The following CLSTN1 variants were observed in gnomAD, a reference collection of about 807,000 sequenced individuals.
CLSTN1 encodes the protein calsyntenin-1.
CLSTN1 carries 28 observed loss-of-function variants against 108.3 expected under a neutral mutation model. The observed-to-expected ratio is 0.26, with a 90% CI of 0.19 to 0.35. The LOEUF is 0.35. Ranked by LOEUF, CLSTN1 falls within the 10% of genes least tolerant of loss-of-function variation. The pLI is 1.00. For missense variants in CLSTN1, 1,157 were observed against 1,302.6 expected (o/e 0.89, Z 1.72); for synonymous variants, 524 against 534.9 (o/e 0.98, Z 0.28).
intron 8 of CLSTN1, 125 bp from the exon 9 acceptor site, chr1:9,744,130 A>C: frequency 1.5e-6 from 2 of 1,346,562 alleles, no homozygotes; most frequent in Admixed American, 4.4e-5. Flanking sequence ...GGCTAAGCCA[A>C]GGCAGGGCTT....
At chr1:9,749,066 G>A (rs1023888301) in intron 7 of CLSTN1, among the ~76,000 whole-genome samples, 4 of 151,474 alleles carry the variant, frequency 2.6e-5, no homozygotes, top group Admixed American at 6.6e-5. Flanking sequence ...ACCATCCCCA[G>A]TTAATTTTTC....
At chr1:9,772,176 G>A (rs1250531935) in intron 2 of CLSTN1, among the ~76,000 whole-genome samples, 9 of 147,590 alleles carry the variant, frequency 6.1e-5, no homozygotes, top group East Asian at 2.0e-4. Context: ...TAGTAGAGAC[G>A]GGGTTTCACC....
At chr1:9,760,231 A>T (rs968761321) in intron 2 of CLSTN1, among the ~76,000 whole-genome samples, 8 of 152,202 alleles carry the variant, frequency 5.3e-5, no homozygotes, top group African/African-American at 1.9e-4. Flanking sequence ...ACCAGTACTT[A>T]TTCAATTGCT....
rs1650177962 is a variant in CLSTN1 at position 9,729,191 on chromosome 1, T to C, written c.*1317A>G. On this transcript the variant is annotated 3_prime_UTR_variant, in exon 19 of 19. Transcript: ENST00000377298. Reference sequence around the variant, plus strand: ...AGCTACAGGGACGGGACATGGAGGATGGCCACACATAGCACAGCCACCAGT... The same window carrying C: ...AGCTACAGGGACGGGACATGGAGGACGGCCACACATAGCACAGCCACCAGT... The C allele has an allele frequency of 6.6e-6, 1 of 152,274 alleles. No homozygotes were observed. Among genetic ancestry groups the C allele is most frequent in the Non-Finnish European group, 1.5e-5 (1 of 68,060 alleles). 9.4% of individuals were successfully genotyped at this position (152,274 alleles called of 1,614,324 possible). A position where few individuals can be genotyped will look rare whatever the true frequency, so the allele number is the denominator to read the frequency against.
At chr1:9,770,008 C>A (rs965717980) in intron 2 of CLSTN1, among the ~76,000 whole-genome samples, 23 of 135,290 alleles carry the variant, frequency 1.7e-4, no homozygotes, top group Non-Finnish European at 2.6e-4. Flanking sequence ...CCAGCCTGGG[C>A]GACAGAGTGA....
chr1:9,801,620 T>A (rs1654273417), intron 1 of CLSTN1, among the ~76,000 whole-genome samples: 1 of 152,182 alleles, frequency 6.6e-6, no homozygotes, highest in African/African-American at 2.4e-5. Context: ...AGTGGCACGA[T>A]CTCGGCTCAC....
At chr1:9,804,343 CAGAG>C (rs1003516891) in intron 1 of CLSTN1, among the ~76,000 whole-genome samples, 2 of 118,532 alleles carry the variant, frequency 1.7e-5, no homozygotes, top group Non-Finnish European at 3.2e-5. Context: ...AGCCTGGCGA[CAGAG>C]AGAGACTCCA....
At chr1:9,785,757 C>T (rs1005315049) in intron 1 of CLSTN1, among the ~76,000 whole-genome samples, 2 of 152,196 alleles carry the variant, frequency 1.3e-5, no homozygotes, top group South Asian at 4.1e-4. Context: ...TTTAAAAGAG[C>T]CACTTTAATA....
In CLSTN1 at chr1:9,741,115, C is replaced by A. The variant is rs751480577; in HGVS notation, c.1498G>T (p.Val500Leu). ...GTACCTTGCCAGCAAGCCCCCACCA[C>A]GAGCTGAGTTTCTATCTTGGATGGA... ...LHPSKIETQL[V>L]VGACWQEFSG... is the part of the protein sequence containing the mutation. The change falls in exon 10 of 19, where the codon GTG (valine) becomes TTG (leucine). Residue 500 changes from valine (V) to leucine (L), a missense_variant. Coordinates refer to ENST00000377298, the MANE Select transcript of CLSTN1 (RefSeq NM_001009566.3). 1.2e-6 allele frequency: 2 copies of A among 1,613,498 alleles called. No homozygotes were observed. The highest frequency in any genetic ancestry group is 1.7e-6 in the Non-Finnish European group (2 of 1,179,706).
intron 1 of CLSTN1, among the ~76,000 whole-genome samples, chr1:9,810,672 G>T (rs1312534707): frequency 6.6e-6 from 1 of 152,048 alleles, no homozygotes; most frequent in Admixed American, 6.6e-5. Flanking sequence ...CTACTCAGGA[G>T]GCTGAGGCAG....
chr1:9,738,382 T>C (rs956621524), intron 10 of CLSTN1, among the ~76,000 whole-genome samples: 1 of 152,132 alleles, frequency 6.6e-6, no homozygotes, highest in African/African-American at 2.4e-5. Flanking sequence ...CTCTATGGTG[T>C]GCTAGGGCCC....
Position 9,735,034 on chromosome 1 carries a change from C to CCTTCTGAG in CLSTN1, c.2016_2023dup (p.Gly675AlafsTer58). 1 of 1,614,228 alleles carries CCTTCTGAG rather than the reference C, an allele frequency of 6.2e-7. No homozygotes were observed. The highest frequency in any genetic ancestry group is 8.5e-7 in the Non-Finnish European group (1 of 1,180,036). On this transcript the variant is annotated frameshift_variant, in exon 14 of 19. Coordinates refer to ENST00000377298, the MANE Select transcript of CLSTN1 (RefSeq NM_001009566.3). LOFTEE classifies it high-confidence loss of function. ...GCGAAGCTCAGGGAAAAGGAACACC[C>CCTTCTGAG]CTTCTGAGCTTTCAAATTCAGAAGC... is the stretch of plus-strand genomic sequence containing the variant.
chr1:9,777,403 G>GT (rs1653007963), intron 1 of CLSTN1, among the ~76,000 whole-genome samples: 1 of 151,140 alleles, frequency 6.6e-6, no homozygotes, highest in Non-Finnish European at 1.5e-5. Context: ...CACACCTGTA[G>GT]TCCCAGCTAC....
intron 12 of CLSTN1, 40 bp downstream of exon 12, chr1:9,735,845 G>C (rs1356057845): frequency 6.2e-7 from 1 of 1,610,058 alleles, no homozygotes; most frequent in Admixed American, 1.7e-5. Context: ...TGTAGTCTAA[G>C]GGGCCCATGA....
chr1:9,807,957 G>A (rs1206270805), intron 1 of CLSTN1, among the ~76,000 whole-genome samples: 2 of 152,222 alleles, frequency 1.3e-5, no homozygotes, highest in African/African-American at 4.8e-5. Context: ...CCCAGGTGGG[G>A]GTCAAGGGGC....
Position 9,731,863 on chromosome 1 carries a change from G to T in CLSTN1, c.2461C>A (p.His821Asn). ...GGCTGGGCAGCCATGTGGTTGGCGT[G>T]TTCCATGGGGTTGGCCGTGTGGATT... Reference protein sequence around the residue: ...NVIHTANPMEHANHMAAQPQF... With the variant: ...NVIHTANPMENANHMAAQPQF... The change falls in exon 17 of 19, where the codon CAC becomes AAC. Residue 821 changes from histidine (H) to asparagine (N), a missense_variant. Physicochemically the swap from His to Asn is moderately conservative, Grantham distance 68. Transcript: ENST00000377298. 1 of 1,614,148 alleles carries T rather than the reference G, an allele frequency of 6.2e-7. No individual in the cohort carries two copies. The highest frequency in any genetic ancestry group is 8.5e-7 in the Non-Finnish European group (1 of 1,180,018).
chr1:9,737,825 T>C (rs1303681389), intron 10 of CLSTN1, among the ~76,000 whole-genome samples: 5 of 152,124 alleles, frequency 3.3e-5, no homozygotes, highest in Non-Finnish European at 7.4e-5. Context: ...CAAAATAAGA[T>C]GAATGAAAGC....
intron 1 of CLSTN1, among the ~76,000 whole-genome samples, chr1:9,795,461 C>T (rs537419545): frequency 5.7e-4 from 86 of 151,264 alleles, no homozygotes; most frequent in African/African-American, 2.0e-3. Flanking sequence ...CCACCGTGCC[C>T]GGCCAAATAC....
intron 2 of CLSTN1, among the ~76,000 whole-genome samples, chr1:9,767,120 A>C (rs1340708640): frequency 6.6e-6 from 1 of 152,214 alleles, no homozygotes; most frequent in African/African-American, 2.4e-5. Flanking sequence ...TGTTCCAGGC[A>C]CTGACGGAGG....
Sources: gnomAD v4.1 joint callset for allele counts (sites outside exome capture counted in the v4.1 genomes callset) on GRCh38, gnomAD v4.1.1 for gene constraint, MANE v1.5 for transcripts, NCBI Gene and HGNC (gene_info 2026-07-23, HGNC 2026-07-21) for gene names.